SGCD: variants seen among roughly 807,000 people sequenced by gnomAD.
SGCD encodes sarcoglycan delta.
A neutral mutation model predicts 36.6 loss-of-function variants in SGCD; 18 were observed. That is an observed-to-expected ratio of 0.49 (90% CI 0.34 to 0.73). SGCD has a LOEUF of 0.73. SGCD is among the 30% of genes least tolerant of loss of function. SGCD has a pLI of 0.01. For synonymous variants in SGCD, 133 were observed against 130.6 expected, an observed-to-expected ratio of 1.02 and a Z score of -0.12; for missense variants, 387 against 346.7, an observed-to-expected ratio of 1.12 and a Z score of -0.92.
chr5:156,424,783 A>T (rs528742414), intron 3 of SGCD, among the ~76,000 whole-genome samples: 84 of 152,168 alleles, frequency 5.5e-4, no homozygotes, highest in Non-Finnish European at 1.1e-3. Flanking sequence ...AAAAAGGTGC[A>T]TGGGGCACCT....
intron 1 of SGCD, among the ~76,000 whole-genome samples, chr5:155,981,359 G>A (rs2127562191): frequency 6.6e-6 from 1 of 152,212 alleles, no homozygotes; most frequent in South Asian, 2.1e-4. Context: ...GGGTATAATT[G>A]GTTAAACTGC....
At chr5:156,286,704 T>G (rs1239304731) in intron 3 of SGCD, among the ~76,000 whole-genome samples, 3 of 152,012 alleles carry the variant, frequency 2.0e-5, no homozygotes, top group Non-Finnish European at 4.4e-5. Context: ...GGATAGCATT[T>G]GGAGATATAT....
intron 1 of SGCD, among the ~76,000 whole-genome samples, chr5:156,101,598 C>T (rs993029456): frequency 2.0e-5 from 3 of 152,108 alleles, no homozygotes; most frequent in Admixed American, 1.3e-4. Context: ...AAAATGAAAG[C>T]TTTGGAAGGC....
intron 4 of SGCD, among the ~76,000 whole-genome samples, chr5:156,578,143 A>G (rs188184693): frequency 7.1e-4 from 108 of 152,262 alleles, no homozygotes; most frequent in African/African-American, 2.4e-3. Flanking sequence ...AATTTTGTCA[A>G]AGGCTTTTCC....
At chr5:155,880,426 G>C (rs1489634343) in intron 1 of SGCD, among the ~76,000 whole-genome samples, 2 of 152,112 alleles carry the variant, frequency 1.3e-5, no homozygotes, top group African/African-American at 2.4e-5. Flanking sequence ...CCACAGATGT[G>C]GAGATGGTGC....
chr5:156,429,618 A>G (rs540404771), intron 3 of SGCD, among the ~76,000 whole-genome samples: 62 of 150,880 alleles, frequency 4.1e-4, no homozygotes, highest in Non-Finnish European at 7.4e-4. Flanking sequence ...AGACCATGTG[A>G]GATGTATGCT....
At chr5:156,153,536 C>G (rs1762876658) in intron 3 of SGCD, among the ~76,000 whole-genome samples, 1 of 151,614 alleles carries the variant, frequency 6.6e-6, no homozygotes, top group Non-Finnish European at 1.5e-5. Flanking sequence ...TTCATGGGAA[C>G]TTTACATTGA....
At chr5:156,573,842 T>C (rs1054581145) in intron 4 of SGCD, among the ~76,000 whole-genome samples, 1 of 151,998 alleles carries the variant, frequency 6.6e-6, no homozygotes, top group African/African-American at 2.4e-5. Context: ...TATAAGCACA[T>C]GTCACCATGC....
chr5:156,375,829 T>C (rs1237874162), intron 3 of SGCD, among the ~76,000 whole-genome samples: 1 of 152,212 alleles, frequency 6.6e-6, no homozygotes, highest in African/African-American at 2.4e-5. Flanking sequence ...CATCTACCTA[T>C]ACAGAGTTTA....
At chr5:156,019,965 T>C (rs1391147620) in intron 1 of SGCD, among the ~76,000 whole-genome samples, 1 of 152,188 alleles carries the variant, frequency 6.6e-6, no homozygotes, top group African/African-American at 2.4e-5. Flanking sequence ...TTCTGGCAGC[T>C]GCAAACTCTT....
At chr5:156,720,294 T>C (rs567001616) in intron 7 of SGCD, among the ~76,000 whole-genome samples, 1 of 152,160 alleles carries the variant, frequency 6.6e-6, no homozygotes, top group South Asian at 2.1e-4. Flanking sequence ...AAAAAGAAAG[T>C]AGGACCAGTA....
the SGCD span, among the ~76,000 whole-genome samples, chr5:155,792,739 C>T: frequency 5.9e-5 from 9 of 151,794 alleles, no homozygotes; most frequent in African/African-American, 1.7e-4. Context: ...GGCTACTTTA[C>T]GAAGTAAAAA....
chr5:156,545,760 A>G (rs1401052885), intron 4 of SGCD, among the ~76,000 whole-genome samples: 1 of 152,094 alleles, frequency 6.6e-6, no homozygotes, highest in Non-Finnish European at 1.5e-5. Flanking sequence ...GATCTAGCAA[A>G]TGGGAACCAC....
At chr5:156,623,471 C>T (rs1004817623) in intron 6 of SGCD, among the ~76,000 whole-genome samples, 6 of 152,190 alleles carry the variant, frequency 3.9e-5, no homozygotes, top group African/African-American at 1.2e-4. Flanking sequence ...GCACTGACAA[C>T]TCAGATTGTT....
In SGCD at chr5:155,942,330, G is replaced by GTATCTATCTATCTATCTATCTATC. The variant is rs1272237547; in HGVS notation, c.-282+71909_-282+71910insCTATCTATCTATCTATCTATCTAT. Among the ~76,000 whole-genome samples, 369 of 135,582 alleles carry GTATCTATCTATCTATCTATCTATC rather than the reference G, an allele frequency of 2.7e-3. 3 individuals are homozygous for GTATCTATCTATCTATCTATCTATC. The highest frequency in any genetic ancestry group is 4.2e-3 in the African/African-American group (151 of 36,188). 88.9% of individuals were successfully genotyped at this position (135,582 alleles called of 152,430 possible). A position where few individuals can be genotyped will look rare whatever the true frequency, so the allele number is the denominator to read the frequency against. On this transcript the variant is annotated intron_variant, in intron 1 of 9. Coordinates refer to the SGCD transcript ENST00000517913. ...TGTATGTATGTATGTATGTATGTAT[G>GTATCTATCTATCTATCTATCTATC]TATGTATCTATCTATCTATCTATCT...
At chr5:156,276,265 G>T (rs10059484) in intron 3 of SGCD, among the ~76,000 whole-genome samples, 28,964 of 152,062 alleles carry the variant, frequency 0.19, 4,335 homozygotes, top group African/African-American at 0.42. Context: ...AAAGACATGA[G>T]AGTATCATCA....
At position 156,761,646 on chromosome 5, in the gene SGCD, T is replaced by C. The variant is rs1757502017; in HGVS notation, c.*2256T>C. 6.6e-6 allele frequency: 1 copy of C among 152,164 alleles called. No homozygotes were observed. The highest frequency in any genetic ancestry group is 1.5e-5 in the Non-Finnish European group (1 of 68,032). The allele number at this position is 152,164 out of a possible 1,614,324, so 9.4% of individuals were successfully genotyped here. A position where few individuals can be genotyped will look rare whatever the true frequency, so the allele number is the denominator to read the frequency against. On this transcript the variant is annotated 3_prime_UTR_variant, in exon 9 of 9. Coordinates refer to ENST00000337851, the MANE Select transcript of SGCD (RefSeq NM_000337.6). ...GGTGATTTTTTAAAGTAGACTGTCT[T>C]TGCATTTTGCCATCTGAAGTTCATT...
chr5:155,929,585 A>G (rs143654842), intron 1 of SGCD, among the ~76,000 whole-genome samples: 6 of 151,828 alleles, frequency 4.0e-5, no homozygotes, highest in African/African-American at 1.4e-4. Flanking sequence ...CTCTCCCCAC[A>G]TTTTCCCCTA....
At chr5:156,357,580 G>T (rs1247672458) in intron 3 of SGCD, among the ~76,000 whole-genome samples, 1 of 152,010 alleles carries the variant, frequency 6.6e-6, no homozygotes, top group East Asian at 1.9e-4. Context: ...AAATTTTAAG[G>T]GGTCATACTA....
Sources: gnomAD v4.1 joint callset for allele counts (sites outside exome capture counted in the v4.1 genomes callset) on GRCh38, gnomAD v4.1.1 for gene constraint, MANE v1.5 for transcripts, NCBI Gene and HGNC (gene_info 2026-07-23, HGNC 2026-07-21) for gene names.